The following ARID1B variants were observed in gnomAD, a reference collection of about 807,000 sequenced individuals.
ARID1B encodes the protein AT-rich interactive domain-containing protein 1B.
ARID1B carries 30 observed loss-of-function variants against 212.3 expected under a neutral mutation model. The ratio of observed to expected loss-of-function variants is 0.14; its 90% CI spans 0.11 to 0.19. The LOEUF is 0.19. Ranked by LOEUF, ARID1B falls within the 10% of genes least tolerant of loss-of-function variation. ARID1B has a pLI of 1.00. For missense variants in ARID1B, 2,891 were observed against 3,204.0 expected (o/e 0.90, Z 2.36); for synonymous variants, 1,402 against 1,301.7 (o/e 1.08, Z -1.66).
rs1794475482 is a variant in ARID1B at position 157,206,649 on chromosome 6, C to T, written c.5877C>T (p.Ser1959=). The change falls in exon 20 of 20, where the codon AGC becomes AGT. Residue 1959 remains serine, a synonymous_variant. Coordinates refer to ENST00000636930, the MANE Select transcript of ARID1B (RefSeq NM_001374828.1). The surrounding 1 kb of genome is among the most constrained non-coding windows in gnomAD (Gnocchi z 6.8). ...AGCACATTCAGACTCACTTTGAGAG[C>T]AAGATGGAAATTCCTCCTCGCAGGC... The part of the protein sequence containing the change: ...TTEHIQTHFE[S]KMEIPPRRRP... The T allele has an allele frequency of 6.2e-7, 1 of 1,613,794 alleles. No homozygotes were observed. The highest frequency in any genetic ancestry group is 8.5e-7 in the Non-Finnish European group (1 of 1,180,010).
At chr6:156,936,342 C>CAAAAAAAAAAAAAAAA (rs757988115) in intron 4 of ARID1B, 4 of 76,778 alleles carry the variant, frequency 5.2e-5, no homozygotes, top group African/African-American at 1.8e-4. Flanking sequence ...AACTTCATCT[C>CAAAAAAAAAAAAAAAA]AAAAAAAAAA....
rs114823937 is a variant in ARID1B, at chr6:156,893,970, G to A, written c.1987-7406G>A. 3.6e-3 allele frequency among the ~76,000 whole-genome samples: 555 copies of A among 152,136 alleles called. 4 individuals carry two copies. Among genetic ancestry groups the A allele is most frequent in the African/African-American group, 0.013 (523 of 41,494 alleles). ...CCCCAAGACGTAAAAGCAACAATTC[G>A]ACCAGATATTTGTAAACCCCTATTC... is the stretch of plus-strand genomic sequence containing the variant. On this transcript the variant is annotated intron_variant, in intron 2 of 19. Transcript: ENST00000636930.
intron 4 of ARID1B, among the ~76,000 whole-genome samples, chr6:157,046,555 A>C (rs1782256698): frequency 6.6e-6 from 1 of 152,176 alleles, no homozygotes; most frequent in Non-Finnish European, 1.5e-5. Context: ...CTTAATGCTA[A>C]CAGGCCTCCT....
intron 2 of ARID1B, among the ~76,000 whole-genome samples, chr6:156,884,628 A>T (rs997206919): frequency 6.6e-6 from 1 of 152,220 alleles, no homozygotes; most frequent in African/African-American, 2.4e-5. Context: ...TGTGTGGGCT[A>T]ATCATAGTCC....
intron 2 of ARID1B, among the ~76,000 whole-genome samples, chr6:156,843,444 AAGAC>A (rs895500233): frequency 6.6e-6 from 1 of 152,192 alleles, no homozygotes; most frequent in African/African-American, 2.4e-5. Context: ...GGGAAATACC[AAGAC>A]AGCCGTAACT....
At position 156,778,753 on chromosome 6, in the gene ARID1B, G is replaced by C. The variant is rs1280251715; in HGVS notation, c.1073G>C (p.Gly358Ala). The C allele has an allele frequency of 2.0e-6, 3 of 1,521,474 alleles. No individual in the cohort carries two copies. The highest frequency in any genetic ancestry group is 1.2e-5 in the South Asian group (1 of 81,782). 94.2% of individuals were successfully genotyped at this position (1,521,474 alleles called of 1,614,324 possible). A position where few individuals can be genotyped will look rare whatever the true frequency, so the allele number is the denominator to read the frequency against. The change falls in exon 1 of 20, where the codon GGG (glycine) becomes GCG (alanine). Residue 358 changes from glycine to alanine, a missense_variant. By Grantham distance (60) the Gly-to-Ala change is moderately conservative. Around this residue, in one of 7 missense-constraint regions of ARID1B, gnomAD observed 1,643 missense variants for 1,544.0 expected, o/e 1.06. Transcript: ENST00000636930. ...CACTCCGCCTCCGCCGCCGCCGCCG[G>C]GGCCCCCGGCAGCATGGACCCCCTG... is the stretch of plus-strand genomic sequence containing the variant. ...MMHSASAAAA[G>A]APGSMDPLQN...
intron 4 of ARID1B, among the ~76,000 whole-genome samples, chr6:157,051,280 T>C (rs1782589006): frequency 6.6e-6 from 1 of 152,184 alleles, no homozygotes; most frequent in Non-Finnish European, 1.5e-5. Context: ...AGAAATGAGT[T>C]TTTTTATGGC....
intron 1 of ARID1B, among the ~76,000 whole-genome samples, chr6:156,824,689 C>T (rs1224718541): frequency 1.3e-5 from 2 of 151,918 alleles, no homozygotes; most frequent in Non-Finnish European, 2.9e-5. Flanking sequence ...CACTTGAACC[C>T]GGGAGGTGGA....
intron 5 of ARID1B, among the ~76,000 whole-genome samples, chr6:157,107,528 T>G (rs1263532480): frequency 6.6e-6 from 1 of 152,150 alleles, no homozygotes; most frequent in Admixed American, 6.5e-5. Flanking sequence ...TCAGTAAAAG[T>G]AGAAATGCAG....
At chr6:157,022,603 A>G (rs1489067022) in intron 4 of ARID1B, 2 of 152,218 alleles carry the variant, frequency 1.3e-5, no homozygotes, top group Non-Finnish European at 2.9e-5. Flanking sequence ...ACATGAAACT[A>G]TAGTAGATTA....
intron 2 of ARID1B, among the ~76,000 whole-genome samples, chr6:156,834,360 A>G (rs1783354697): frequency 6.6e-6 from 1 of 152,190 alleles, no homozygotes; most frequent in Admixed American, 6.5e-5. Flanking sequence ...ATGGAGAGGA[A>G]TGGGTGCCTG....
rs527554320 is a variant in ARID1B, at chr6:156,846,935, T to G, written c.1986+17514T>G. Reference sequence around the variant, plus strand: ...TCTTATCCTGTCACCTAGAACAGATTAAAACTTTAATTATCACTTGTCTTT... The same window carrying G: ...TCTTATCCTGTCACCTAGAACAGATGAAAACTTTAATTATCACTTGTCTTT... On this transcript the variant is annotated intron_variant, in intron 2 of 19. Transcript: ENST00000636930. Among the ~76,000 whole-genome samples, 5 of 152,342 alleles carry G rather than the reference T, an allele frequency of 3.3e-5. No homozygotes were observed. In the South Asian group the frequency reaches 1.0e-3, roughly 32 times the overall value.
Position 157,206,116 on chromosome 6 carries a change from G to A in ARID1B, c.5395-51G>A, listed in dbSNP as rs1441973111. ...TTTACCCTCCTCGGTCATATCTGATGTCATGACATTGTACCTGTTCTTTCT... is the reference window on the plus strand; with the variant it reads ...TTTACCCTCCTCGGTCATATCTGATATCATGACATTGTACCTGTTCTTTCT... On this transcript the variant is annotated intron_variant, in intron 19 of 19. Transcript: ENST00000636930. The surrounding 1 kb of genome is among the most constrained non-coding windows in gnomAD (Gnocchi z 6.8). 6.3e-7 allele frequency: 1 copy of A among 1,577,564 alleles called. No individual in the cohort carries two copies. Among genetic ancestry groups the A allele is most frequent in the East Asian group, 2.2e-5 (1 of 44,658 alleles).
intron 4 of ARID1B, among the ~76,000 whole-genome samples, chr6:156,980,290 C>G (rs903299579): frequency 2.6e-5 from 4 of 151,938 alleles, no homozygotes; most frequent in African/African-American, 9.7e-5. Context: ...CGAGACCACC[C>G]CGGCCCACAC....
In ARID1B at chr6:157,112,841, C is replaced by T. The variant is rs1428305046; in HGVS notation, c.2581+2280C>T. 5.3e-5 allele frequency among the ~76,000 whole-genome samples: 8 copies of T among 151,808 alleles called. No homozygotes were observed. The East Asian group carries it at 5.8e-4, about 11-fold the overall frequency. On this transcript the variant is annotated intron_variant, in intron 6 of 19. Coordinates refer to ENST00000636930, the MANE Select transcript of ARID1B (RefSeq NM_001374828.1). ...GTTAATATGATTATTGTTTTTCCTTCGATTGCCTTTATTATATGTAGTGTA... is the reference window on the plus strand; with the variant it reads ...GTTAATATGATTATTGTTTTTCCTTTGATTGCCTTTATTATATGTAGTGTA...
In ARID1B at chr6:157,200,896, C is replaced by T. The variant is rs1466298500; in HGVS notation, c.4671C>T (p.Gly1557=). Residue 1557 remains glycine (G), a synonymous_variant, in exon 18 of 20, where the codon GGC becomes GGT. Transcript: ENST00000636930. The surrounding 1 kb of genome is among the most constrained non-coding windows in gnomAD (Gnocchi z 4.3). ...CCTACAGCAGGGAGAGGATGCAGGG[C>T]CCGGGGCAGATCCAGACACACGGAA... ...PYPYSRERMQ[G]PGQIQTHGIP... is the part of the protein sequence containing the mutation. The T allele has an allele frequency of 1.9e-6, 3 of 1,613,824 alleles. No individual in the cohort carries two copies. Among genetic ancestry groups the T allele is most frequent in the Non-Finnish European group, 2.5e-6 (3 of 1,179,934 alleles).
intron 9 of ARID1B, among the ~76,000 whole-genome samples, chr6:157,170,828 C>T (rs1451860062): frequency 1.3e-5 from 2 of 152,168 alleles, no homozygotes; most frequent in Admixed American, 6.5e-5. Flanking sequence ...GTGCGTCTCC[C>T]GAGCCGTTCT....
chr6:157,201,767 C>G lies in ARID1B; in HGVS notation c.5263+279C>G, dbSNP rs1794134027. On this transcript the variant is annotated intron_variant, in intron 18 of 19. Transcript: ENST00000636930. The surrounding 1 kb of genome is among the most constrained non-coding windows in gnomAD (Gnocchi z 5.2). The stretch of plus-strand genomic sequence containing the variant: ...GGATCACGAGGTCACGAGATCGAGA[C>G]CATCCTGGATAACACGGTGAAATAA... Among the ~76,000 whole-genome samples the G allele has an allele frequency of 6.6e-6, 1 of 152,128 alleles. No homozygotes were observed. Among genetic ancestry groups the G allele is most frequent in the South Asian group, 2.1e-4 (1 of 4,830 alleles).
At chr6:156,896,054 C>T (rs1788358957) in intron 2 of ARID1B, among the ~76,000 whole-genome samples, 1 of 152,194 alleles carries the variant, frequency 6.6e-6, no homozygotes, top group African/African-American at 2.4e-5. Context: ...GCGTCTTACT[C>T]CTTTTTTACT....
Sources: allele counts gnomAD v4.1 joint callset (sites outside exome capture counted in the v4.1 genomes callset), GRCh38; gene constraint gnomAD v4.1.1; regional missense constraint gnomAD v4.1.1; non-coding constraint Gnocchi (gnomAD v3.1); transcripts MANE v1.5; gene names NCBI Gene and HGNC (gene_info 2026-07-23, HGNC 2026-07-21).